Variants in CCSER1 observed in about 807,000 individuals in gnomAD.
CCSER1 encodes the protein serine-rich coiled-coil domain-containing protein 1.
CCSER1 carries 41 observed loss-of-function variants against 82.0 expected under a neutral mutation model. The ratio of observed to expected loss-of-function variants is 0.50; its 90% CI spans 0.39 to 0.65. CCSER1 has a LOEUF of 0.65. Ranked by LOEUF, CCSER1 falls within the 30% of genes least tolerant of loss-of-function variation. The pLI is 0.00. For synonymous variants in CCSER1, 414 were observed against 383.9 expected, an observed-to-expected ratio of 1.08 and a Z score of -0.92; for missense variants, 1,119 against 1,064.2, an observed-to-expected ratio of 1.05 and a Z score of -0.72.
At chr4:90,766,821 G>T (rs1335085282) in intron 7 of CCSER1, among the ~76,000 whole-genome samples, 2 of 151,920 alleles carry the variant, frequency 1.3e-5, no homozygotes, top group Non-Finnish European at 2.9e-5. Flanking sequence ...TGATACAGAA[G>T]TAGGGACACT....
chr4:90,349,389 A>G (rs574016167), intron 3 of CCSER1, among the ~76,000 whole-genome samples: 1 of 152,260 alleles, frequency 6.6e-6, no homozygotes, highest in East Asian at 1.9e-4. Flanking sequence ...AAGTAATTGT[A>G]TAAAGGCATT....
intron 10 of CCSER1, among the ~76,000 whole-genome samples, chr4:91,174,421 G>C (rs1201134350): frequency 6.6e-6 from 1 of 152,048 alleles, no homozygotes; most frequent in Non-Finnish European, 1.5e-5. Flanking sequence ...CAGAGATTTT[G>C]ATGGACAAAC....
At position 90,184,564 on chromosome 4, in the gene CCSER1, G is replaced by A. The variant is rs1039157835; in HGVS notation, c.-42+56733G>A. On this transcript the variant is annotated intron_variant, in intron 1 of 10. Coordinates refer to ENST00000509176, the MANE Select transcript of CCSER1 (RefSeq NM_001145065.2). ...ACATGTAGCAGTATTTTATTGAAAG[G>A]TTTTATTAATCGAATAAAAATGAGA... is the stretch of plus-strand genomic sequence containing the variant. 2.6e-5 allele frequency among the ~76,000 whole-genome samples: 4 copies of A among 152,212 alleles called. No individual in the cohort carries two copies. In the South Asian group the frequency reaches 6.2e-4, roughly 24 times the overall value.
intron 1 of CCSER1, among the ~76,000 whole-genome samples, chr4:90,266,433 T>G (rs1249082063): frequency 1.3e-5 from 2 of 152,110 alleles, no homozygotes; most frequent in Non-Finnish European, 2.9e-5. Flanking sequence ...TTTTTTTTTT[T>G]TGTGGAGCAA....
chr4:91,332,076 A>G (rs1746997382), intron 10 of CCSER1, among the ~76,000 whole-genome samples: 1 of 152,098 alleles, frequency 6.6e-6, no homozygotes, highest in African/African-American at 2.4e-5. Context: ...CTAAAAATGT[A>G]CTATATTGGT....
chr4:90,391,445 T>G (rs1369437774), intron 3 of CCSER1, among the ~76,000 whole-genome samples: 4 of 8,844 alleles, frequency 4.5e-4, no homozygotes, highest in African/African-American at 1.9e-3. Context: ...TATATGGGGG[T>G]ATATATATAT....
At chr4:91,570,586 G>A (rs971246839) in intron 10 of CCSER1, among the ~76,000 whole-genome samples, 6 of 152,188 alleles carry the variant, frequency 3.9e-5, no homozygotes, top group African/African-American at 1.4e-4. Context: ...CTGAAGCCAC[G>A]ACCCAAGCTG....
chr4:90,223,979 C>T (rs1361835931), intron 1 of CCSER1, among the ~76,000 whole-genome samples: 1 of 152,152 alleles, frequency 6.6e-6, no homozygotes, highest in East Asian at 1.9e-4. Flanking sequence ...AGAACATGCT[C>T]AGTAAATATG....
chr4:91,008,995 C>T (rs756544829), intron 9 of CCSER1, among the ~76,000 whole-genome samples: 5 of 152,178 alleles, frequency 3.3e-5, no homozygotes, highest in Admixed American at 6.5e-5. Flanking sequence ...GGCACTTAGC[C>T]GTGCAGGAAC....
At chr4:90,337,566 A>G (rs536334214) in intron 3 of CCSER1, among the ~76,000 whole-genome samples, 1 of 152,266 alleles carries the variant, frequency 6.6e-6, no homozygotes, top group Non-Finnish European at 1.5e-5. Context: ...GAGGAAATTG[A>G]GATATATAGA....
chr4:90,581,917 G>A (rs942728247), intron 5 of CCSER1, among the ~76,000 whole-genome samples: 3 of 151,804 alleles, frequency 2.0e-5, no homozygotes, highest in Admixed American at 1.3e-4. Flanking sequence ...TGGTAGCAAC[G>A]TACCATGTGT....
intron 1 of CCSER1, among the ~76,000 whole-genome samples, chr4:90,271,863 T>TATATATATATATATATATATA (rs61116868): frequency 6.6e-4 from 13 of 19,770 alleles, no homozygotes; most frequent in African/African-American, 1.6e-3. Flanking sequence ...TATATATATA[T>TATATATATATATATATATATA]TTTTTTTTTT....
At chr4:91,090,922 A>G (rs1348817390) in intron 10 of CCSER1, among the ~76,000 whole-genome samples, 3 of 152,072 alleles carry the variant, frequency 2.0e-5, no homozygotes, top group Non-Finnish European at 4.4e-5. Flanking sequence ...TTTGGGTCCA[A>G]GGGGTTTGTG....
At chr4:91,365,244 A>G (rs1383077332) in intron 10 of CCSER1, among the ~76,000 whole-genome samples, 1 of 152,206 alleles carries the variant, frequency 6.6e-6, no homozygotes, top group African/African-American at 2.4e-5. Context: ...GAGGTAAACA[A>G]TAACTACATC....
Position 90,840,758 on chromosome 4 carries a change from T to G in CCSER1, c.2094+24913T>G, listed in dbSNP as rs149513936. Among the ~76,000 whole-genome samples the G allele has an allele frequency of 3.9e-5, 6 of 152,324 alleles. No individual in the cohort carries two copies. The East Asian group carries it at 9.6e-4, about 24-fold the overall frequency. The stretch of plus-strand genomic sequence containing the variant: ...AAGCTGTAAAGCTCCTTACTCTTTT[T>G]TTTTTTAATAGTTATAACCTTGTAT... On this transcript the variant is annotated intron_variant, in intron 8 of 10. Transcript: ENST00000509176.
chr4:91,364,042 C>T (rs1267195719), intron 10 of CCSER1, among the ~76,000 whole-genome samples: 3 of 147,016 alleles, frequency 2.0e-5, no homozygotes, highest in South Asian at 4.2e-4. Flanking sequence ...ATACACATGA[C>T]CTTTTCAGAA....
At chr4:90,751,154 A>G (rs1374805639) in intron 7 of CCSER1, among the ~76,000 whole-genome samples, 2 of 152,154 alleles carry the variant, frequency 1.3e-5, no homozygotes, top group African/African-American at 4.8e-5. Flanking sequence ...TAAACTACAC[A>G]TATAAAAAAG....
intron 10 of CCSER1, among the ~76,000 whole-genome samples, chr4:91,438,270 T>C (rs1485357632): frequency 2.0e-5 from 3 of 152,142 alleles, no homozygotes; most frequent in Non-Finnish European, 4.4e-5. Context: ...GGCCGGGTAC[T>C]CTTCTGAGAC....
chr4:90,905,407 A>G (rs1203121379), intron 8 of CCSER1, among the ~76,000 whole-genome samples: 1 of 151,766 alleles, frequency 6.6e-6, no homozygotes, highest in Non-Finnish European at 1.5e-5. Flanking sequence ...TTAAGAAAAA[A>G]TGCATATACT....
Sources: gnomAD v4.1 joint callset for allele counts (sites outside exome capture counted in the v4.1 genomes callset) on GRCh38, gnomAD v4.1.1 for gene constraint, MANE v1.5 for transcripts, NCBI Gene and HGNC (gene_info 2026-07-23, HGNC 2026-07-21) for gene names.